The following ERC2 variants were observed in gnomAD, a reference collection of about 807,000 sequenced individuals.
The protein encoded by ERC2 is ELKS/RAB6-interacting/CAST family member 2.
In ERC2, 42 loss-of-function variants were observed where a neutral mutation model predicts 114.8. That is an observed-to-expected ratio of 0.37 (90% CI 0.29 to 0.47). ERC2 has a LOEUF of 0.47. ERC2 is among the 20% of genes least tolerant of loss of function. The pLI, the probability that ERC2 is intolerant of heterozygous loss-of-function variation, is 0.99. For synonymous variants in ERC2, 454 were observed against 425.5 expected (o/e 1.07, Z -0.82); for missense variants, 939 against 1,150.7 (o/e 0.82, Z 2.66).
intron 14 of ERC2, among the ~76,000 whole-genome samples, chr3:55,754,481 G>T (rs2066920469): frequency 7.8e-6 from 1 of 128,812 alleles, no homozygotes; most frequent in African/African-American, 2.7e-5. Flanking sequence ...TATTTCAACG[G>T]CTCTTCAGAG....
At chr3:55,948,366 A>G (rs2067265071) in intron 13 of ERC2, among the ~76,000 whole-genome samples, 1 of 152,214 alleles carries the variant, frequency 6.6e-6, no homozygotes. Flanking sequence ...GCTGACTGAC[A>G]CTTAAAGCTT....
At chr3:56,465,335 A>T (rs1363259808) in intron 1 of ERC2, among the ~76,000 whole-genome samples, 3 of 152,134 alleles carry the variant, frequency 2.0e-5, no homozygotes, top group Non-Finnish European at 4.4e-5. Flanking sequence ...GGAGGCAGAG[A>T]TTGCAGTGAG....
chr3:55,845,295 G>A (rs1330550740), intron 14 of ERC2, among the ~76,000 whole-genome samples: 1 of 152,064 alleles, frequency 6.6e-6, no homozygotes, highest in Non-Finnish European at 1.5e-5. Context: ...ACGAGGTCAG[G>A]AGATCGAGAC....
intron 2 of ERC2, among the ~76,000 whole-genome samples, chr3:56,360,575 C>T (rs565393846): frequency 6.6e-6 from 1 of 152,236 alleles, no homozygotes; most frequent in South Asian, 2.1e-4. Context: ...TTCACAGAAG[C>T]AGCAATATAA....
intron 14 of ERC2, among the ~76,000 whole-genome samples, chr3:55,839,734 A>G (rs1217852494): frequency 6.6e-6 from 1 of 152,010 alleles, no homozygotes; most frequent in African/African-American, 2.4e-5. Flanking sequence ...GAATCAATTA[A>G]AAATCCTCAA....
At chr3:55,565,131 T>C (rs2056285121) in intron 17 of ERC2, among the ~76,000 whole-genome samples, 2 of 152,130 alleles carry the variant, frequency 1.3e-5, no homozygotes, top group Admixed American at 6.6e-5. Flanking sequence ...CACCCAGACA[T>C]GGACTGCCTC....
chr3:55,810,245 A>T (rs2059663348), intron 14 of ERC2, among the ~76,000 whole-genome samples: 1 of 152,200 alleles, frequency 6.6e-6, no homozygotes, highest in South Asian at 2.1e-4. Context: ...AAAAATAAAA[A>T]CAACAAACTA....
chr3:55,918,826 G>T (rs1464850054), intron 13 of ERC2, among the ~76,000 whole-genome samples: 1 of 150,700 alleles, frequency 6.6e-6, no homozygotes, highest in Non-Finnish European at 1.5e-5. Context: ...ACTAGATGAA[G>T]AAGACTAGCT....
chr3:56,235,525 T>C (rs1024936585), intron 3 of ERC2, among the ~76,000 whole-genome samples: 3 of 152,182 alleles, frequency 2.0e-5, no homozygotes, highest in African/African-American at 4.8e-5. Context: ...TAAAAATTCA[T>C]TGGAACTGAG....
chr3:56,036,913 C>T (rs571070300), intron 7 of ERC2, among the ~76,000 whole-genome samples: 1 of 152,134 alleles, frequency 6.6e-6, no homozygotes, highest in Non-Finnish European at 1.5e-5. Flanking sequence ...AGGGGAGGGG[C>T]AGCTGCCACA....
At position 56,101,463 on chromosome 3, in the gene ERC2, C is replaced by T. The variant is rs997233271; in HGVS notation, c.1474-20479G>A. On this transcript the variant is annotated intron_variant, in intron 6 of 17. Coordinates refer to ENST00000288221, the MANE Select transcript of ERC2 (RefSeq NM_015576.3). ...AATGTAATAGTAACACAACCTACTG[C>T]TCTTTATTGAATGCCAGGCTAAGGG... is the stretch of plus-strand genomic sequence containing the variant. Among the ~76,000 whole-genome samples, 7 of 141,636 alleles carry T rather than the reference C, an allele frequency of 4.9e-5. No homozygotes were observed. In the East Asian group the frequency reaches 1.3e-3, roughly 25 times the overall value. 92.9% of individuals were successfully genotyped at this position (141,636 alleles called of 152,430 possible).
intron 17 of ERC2, among the ~76,000 whole-genome samples, chr3:55,578,186 C>T (rs902963223): frequency 6.6e-6 from 1 of 152,250 alleles, no homozygotes; most frequent in Non-Finnish European, 1.5e-5. Context: ...CTCATGCTGC[C>T]TTGCAGCAGC....
intron 3 of ERC2, among the ~76,000 whole-genome samples, chr3:56,221,084 A>G (rs1303559645): frequency 2.0e-5 from 3 of 152,196 alleles, no homozygotes; most frequent in African/African-American, 7.2e-5. Context: ...TAGAAGTCAC[A>G]CACATAAACA....
rs111709817 is a variant in ERC2 at position 56,057,580 on chromosome 3, A to G, written c.1641+23237T>C. On this transcript the variant is annotated intron_variant, in intron 7 of 17. Coordinates refer to ENST00000288221, the MANE Select transcript of ERC2 (RefSeq NM_015576.3). ...ATGCAGTACCAAAGCAACTTCCCAG[A>G]ACCTTGTTTTCATCTGTTAAACTGG... Among the ~76,000 whole-genome samples, 123 of 152,336 alleles carry G rather than the reference A, an allele frequency of 8.1e-4. 1 individual carries two copies. Among genetic ancestry groups the G allele is most frequent in the African/African-American group, 2.9e-3 (121 of 41,584 alleles).
intron 2 of ERC2, among the ~76,000 whole-genome samples, chr3:56,328,451 G>GTAT (rs2057462536): frequency 1.3e-5 from 2 of 152,166 alleles, no homozygotes; most frequent in Admixed American, 1.3e-4. Context: ...ATATATGTGT[G>GTAT]AGTACTAAAC....
At chr3:56,248,814 C>G (rs1265073827) in intron 3 of ERC2, among the ~76,000 whole-genome samples, 2 of 152,186 alleles carry the variant, frequency 1.3e-5, no homozygotes, top group African/African-American at 4.8e-5. Flanking sequence ...CTAGACCCAG[C>G]AACAAAACAC....
At chr3:55,769,310 T>C (rs531209018) in intron 14 of ERC2, among the ~76,000 whole-genome samples, 6 of 152,226 alleles carry the variant, frequency 3.9e-5, no homozygotes, top group Admixed American at 2.6e-4. Context: ...TGGGAGCTGA[T>C]AGTGAACCAG....
intron 7 of ERC2, among the ~76,000 whole-genome samples, chr3:56,028,219 A>G (rs933613754): frequency 1.3e-5 from 2 of 152,146 alleles, no homozygotes; most frequent in Admixed American, 1.3e-4. Flanking sequence ...GTAAGGCTTA[A>G]TATTAGTAGA....
intron 17 of ERC2, among the ~76,000 whole-genome samples, chr3:55,674,371 T>G (rs909665209): frequency 6.6e-6 from 1 of 152,166 alleles, no homozygotes. Context: ...TACAAGACCA[T>G]CTGCATAGGA....
Sources: allele counts gnomAD v4.1 joint callset (sites outside exome capture counted in the v4.1 genomes callset), GRCh38; gene constraint gnomAD v4.1.1; transcripts MANE v1.5; gene names NCBI Gene and HGNC (gene_info 2026-07-23, HGNC 2026-07-21).